The following BACH2 variants were observed in gnomAD, a reference collection of about 807,000 sequenced individuals.
The protein encoded by BACH2 is transcription regulator protein BACH2.
A neutral mutation model predicts 61.8 loss-of-function variants in BACH2; 5 were observed. The observed-to-expected ratio is 0.08, with a 90% CI of 0.04 to 0.17. The LOEUF (loss-of-function observed/expected upper bound fraction) is 0.17. BACH2 is among the 10% of genes least tolerant of loss of function. The probability of loss-of-function intolerance (pLI) is 1.00; values close to 1 mark genes in which losing one functional copy is unlikely to be tolerated. For synonymous variants in BACH2, 446 were observed against 440.1 expected (o/e 1.01, Z -0.17); for missense variants, 824 against 1,091.1 (o/e 0.76, Z 3.45).
chr6:90,272,064 T>C (rs1387197246), intron 1 of BACH2, 123 bp from the exon 2 acceptor site: 1 of 152,306 alleles, frequency 6.6e-6, no homozygotes, highest in Non-Finnish European at 1.5e-5. Flanking sequence ...ATTTAGTGCT[T>C]AGAAAAGGTC....
Position 89,937,759 on chromosome 6 carries a change from G to C in BACH2, c.2043+385C>G, listed in dbSNP as rs138320110. ...TTGGTCAGGCTGGTTTCAAACTCCT[G>C]ACCTCAAGTGATCCACCCGCCTTGG... is the stretch of plus-strand genomic sequence containing the variant. On this transcript the variant is annotated intron_variant, in intron 8 of 8. Coordinates refer to ENST00000257749, the MANE Select transcript of BACH2 (RefSeq NM_021813.4). Among the ~76,000 whole-genome samples, 718 of 152,252 alleles carry C rather than the reference G, an allele frequency of 4.7e-3. 5 individuals carry two copies. The highest frequency in any genetic ancestry group is 0.016 in the African/African-American group (685 of 41,534).
chr6:89,991,808 T>C (rs779451905), intron 6 of BACH2, among the ~76,000 whole-genome samples: 1 of 152,208 alleles, frequency 6.6e-6, no homozygotes, highest in Non-Finnish European at 1.5e-5. Flanking sequence ...CCCCATCATT[T>C]TGTCTTTCAT....
At chr6:90,095,612 G>C (rs1782350369) in intron 4 of BACH2, among the ~76,000 whole-genome samples, 1 of 152,090 alleles carries the variant, frequency 6.6e-6, no homozygotes, top group South Asian at 2.1e-4. Flanking sequence ...GGTGCAGGCA[G>C]AACTACTTGC....
rs1162981828 is a variant in BACH2 at position 90,092,313 on chromosome 6, T to TAC, written c.-161-3205_-161-3204insGT. On this transcript the variant is annotated intron_variant, in intron 4 of 8. Coordinates refer to ENST00000257749, the MANE Select transcript of BACH2 (RefSeq NM_021813.4). ...AAAAATATATATATATATATATATA[T>TAC]ATACACACACACACATTGCATCACT... Among the ~76,000 whole-genome samples the TAC allele has an allele frequency of 2.2e-4, 29 of 130,430 alleles. 2 individuals are homozygous for TAC. In the East Asian group the frequency reaches 8.4e-3, roughly 38 times the overall value. 85.6% of individuals were successfully genotyped at this position (130,430 alleles called of 152,430 possible).
chr6:90,132,476 G>T (rs1289408304), intron 4 of BACH2, among the ~76,000 whole-genome samples: 2 of 152,032 alleles, frequency 1.3e-5, no homozygotes, highest in Non-Finnish European at 2.9e-5. Flanking sequence ...TATCTTTCTG[G>T]TTCCTCTGTT....
At chr6:90,009,365 A>T (rs1777585114) in intron 5 of BACH2, among the ~76,000 whole-genome samples, 1 of 152,242 alleles carries the variant, frequency 6.6e-6, no homozygotes, top group African/African-American at 2.4e-5. Flanking sequence ...AGTAAACATC[A>T]AATCACAATA....
chr6:90,234,060 C>T (rs1376469136), intron 3 of BACH2, among the ~76,000 whole-genome samples: 1 of 152,178 alleles, frequency 6.6e-6, no homozygotes, highest in Non-Finnish European at 1.5e-5. Flanking sequence ...ACACTCTCGG[C>T]CCCTTATCAC....
intron 4 of BACH2, among the ~76,000 whole-genome samples, chr6:90,165,271 C>G (rs1410270191): frequency 6.6e-6 from 1 of 152,108 alleles, no homozygotes; most frequent in Non-Finnish European, 1.5e-5. Context: ...ACACCAATAA[C>G]AGACAAACAG....
intron 2 of BACH2, among the ~76,000 whole-genome samples, chr6:90,269,160 A>G (rs556376272): frequency 3.9e-5 from 6 of 152,146 alleles, no homozygotes; most frequent in South Asian, 2.1e-4. Flanking sequence ...AACAGAGACA[A>G]GTGGCAGGGT....
At chr6:90,267,654 T>G (rs1003039550) in intron 2 of BACH2, among the ~76,000 whole-genome samples, 2 of 152,168 alleles carry the variant, frequency 1.3e-5, no homozygotes, top group African/African-American at 4.8e-5. Context: ...AGCTGGGGAA[T>G]AATTGAATAA....
Position 90,084,787 on chromosome 6 carries a change from C to T in BACH2, c.-13+4174G>A, listed in dbSNP as rs545128775. Among the ~76,000 whole-genome samples, 5 of 152,070 alleles carry T rather than the reference C, an allele frequency of 3.3e-5. No individual in the cohort carries two copies. In the East Asian group the frequency reaches 9.7e-4, roughly 29 times the overall value. On this transcript the variant is annotated intron_variant, in intron 5 of 8. Transcript: ENST00000257749. ...TATATATAATGGTTCTGCTATAGGG[C>T]CTCTGTAACAGACTATATATATACT...
chr6:90,217,215 G>A (rs1769567962), intron 3 of BACH2, among the ~76,000 whole-genome samples: 1 of 152,154 alleles, frequency 6.6e-6, no homozygotes, highest in Non-Finnish European at 1.5e-5. Context: ...GTTTACTCCA[G>A]GTCAAGGTGT....
At chr6:90,276,152 C>T (rs951060855) in intron 1 of BACH2, among the ~76,000 whole-genome samples, 11 of 152,132 alleles carry the variant, frequency 7.2e-5, no homozygotes, top group Non-Finnish European at 1.2e-4. Context: ...ATGTGTAAAA[C>T]GTTTCATCTA....
chr6:90,231,967 T>TGG (rs1349612779), intron 3 of BACH2, among the ~76,000 whole-genome samples: 1 of 152,062 alleles, frequency 6.6e-6, no homozygotes, highest in Non-Finnish European at 1.5e-5. Flanking sequence ...ATGATATATT[T>TGG]GGTCTGAGAG....
intron 4 of BACH2, among the ~76,000 whole-genome samples, chr6:90,190,264 C>T (rs919292674): frequency 2.0e-5 from 3 of 152,204 alleles, no homozygotes; most frequent in African/African-American, 7.2e-5. Context: ...TTTTTAGGCA[C>T]TAACATTCCA....
At chr6:89,947,743 T>C (rs942856320) in intron 7 of BACH2, among the ~76,000 whole-genome samples, 1 of 151,900 alleles carries the variant, frequency 6.6e-6, no homozygotes. Flanking sequence ...TTTTTTTTTT[T>C]GTATTTTTTA....
At chr6:90,287,164 C>G (rs1186150355) in intron 1 of BACH2, among the ~76,000 whole-genome samples, 5 of 152,080 alleles carry the variant, frequency 3.3e-5, no homozygotes, top group African/African-American at 9.7e-5. Context: ...GGCGTTGACT[C>G]TACAGCCAGG....
chr6:89,979,914 T>G (rs1205520549), intron 6 of BACH2, among the ~76,000 whole-genome samples: 1 of 152,208 alleles, frequency 6.6e-6, no homozygotes, highest in Non-Finnish European at 1.5e-5. Flanking sequence ...ATGAACCAAA[T>G]GCATGAGATA....
chr6:90,106,261 T>C (rs908725033), intron 4 of BACH2, among the ~76,000 whole-genome samples: 18 of 152,222 alleles, frequency 1.2e-4, no homozygotes, highest in Non-Finnish European at 1.5e-4. Context: ...ATCAAGTAGA[T>C]GGTTAATGAA....
Sources: allele counts gnomAD v4.1 joint callset (sites outside exome capture counted in the v4.1 genomes callset), GRCh38; gene constraint gnomAD v4.1.1; transcripts MANE v1.5; gene names NCBI Gene and HGNC (gene_info 2026-07-23, HGNC 2026-07-21).